The following TRAM2 variants were observed in gnomAD, a reference collection of about 807,000 sequenced individuals.
The protein encoded by TRAM2 is translocating chain-associated membrane protein 2.
In TRAM2, 12 loss-of-function variants were observed where a neutral mutation model predicts 51.0. That is an observed-to-expected ratio of 0.24 (90% CI 0.15 to 0.38). TRAM2 has a LOEUF of 0.38. TRAM2 is among the 10% of genes least tolerant of loss of function. The probability of loss-of-function intolerance (pLI) is 1.00; values close to 1 mark genes in which losing one functional copy is unlikely to be tolerated. For synonymous variants in TRAM2, 175 were observed against 179.4 expected, an observed-to-expected ratio of 0.98 and a Z score of 0.20; for missense variants, 361 against 462.0, an observed-to-expected ratio of 0.78 and a Z score of 2.00.
intron 1 of TRAM2, among the ~76,000 whole-genome samples, chr6:52,537,856 T>C (rs1767003166): frequency 6.6e-6 from 1 of 152,194 alleles, no homozygotes; most frequent in Non-Finnish European, 1.5e-5. Context: ...GCTGTACTTA[T>C]TCCCCCTCTG....
At position 52,505,110 on chromosome 6, in the gene TRAM2, A is replaced by G. The variant is rs180755550; in HGVS notation, c.876-356T>C. 5.2e-3 allele frequency among the ~76,000 whole-genome samples: 790 copies of G among 152,376 alleles called. 9 individuals are homozygous for G. The highest frequency in any genetic ancestry group is 0.018 in the African/African-American group (729 of 41,594). ...TGTAAGCTCCACAAATATTGGTAGC[A>G]TTCAAATGAACTGAATTTCTGGAAG... On this transcript the variant is annotated intron_variant, in intron 9 of 10. Coordinates refer to ENST00000182527, the MANE Select transcript of TRAM2 (RefSeq NM_012288.4).
Position 52,500,012 on chromosome 6 carries a change from AG to A in TRAM2, c.*3184del, listed in dbSNP as rs1430768033. 4 of 152,172 alleles carry A rather than the reference AG, an allele frequency of 2.6e-5. No homozygotes were observed. The highest frequency in any genetic ancestry group is 4.8e-5 in the African/African-American group (2 of 41,436). 9.4% of individuals were successfully genotyped at this position (152,172 alleles called of 1,614,324 possible). A position where few individuals can be genotyped will look rare whatever the true frequency, so the allele number is the denominator to read the frequency against. ...TCCCATCATCACTGCACCTCCAAGG[AG>A]GGGAGCGGGTAGCACAGATCCTTGG... On this transcript the variant is annotated 3_prime_UTR_variant, in exon 11 of 11. Transcript: ENST00000182527.
chr6:52,562,398 G>T (rs979483006), intron 1 of TRAM2, among the ~76,000 whole-genome samples: 2 of 152,168 alleles, frequency 1.3e-5, no homozygotes. Context: ...CATGTCCCGA[G>T]TAACTTGTAT....
At chr6:52,521,577 G>C (rs529162488) in intron 2 of TRAM2, among the ~76,000 whole-genome samples, 209 of 151,850 alleles carry the variant, frequency 1.4e-3, no homozygotes, top group African/African-American at 5.0e-3. Context: ...GGCACCTGTA[G>C]TCCCAGCTAC....
In TRAM2 at chr6:52,516,017, C is replaced by A; in HGVS notation, c.400G>T (p.Val134Leu). 1.2e-6 allele frequency: 2 copies of A among 1,614,158 alleles called. No homozygotes were observed. Among genetic ancestry groups the A allele is most frequent in the Non-Finnish European group, 1.7e-6 (2 of 1,180,012 alleles). Residue 134 changes from valine to leucine, a missense_variant, in exon 4 of 11, where the codon GTG (valine) becomes TTG (leucine). Transcript: ENST00000182527. ...TGAGAATGGCTCACCGTCACCACCA[C>A]GTAGAAGCACCAAATCACCGAGGTG... The part of the protein sequence containing the change: ...HFTSVIWCFY[V>L]VVTEGYLTNP...
chr6:52,515,744 T>C (rs947956050), intron 4 of TRAM2, among the ~76,000 whole-genome samples: 2 of 152,194 alleles, frequency 1.3e-5, no homozygotes, highest in African/African-American at 4.8e-5. Context: ...TACTGCAGTA[T>C]TGCATAATGA....
At chr6:52,567,567 C>T (rs1767608936) in intron 1 of TRAM2, among the ~76,000 whole-genome samples, 1 of 152,200 alleles carries the variant, frequency 6.6e-6, no homozygotes, top group Admixed American at 6.5e-5. Flanking sequence ...ATGTACTATG[C>T]AGCAGACCAA....
intron 1 of TRAM2, among the ~76,000 whole-genome samples, chr6:52,574,760 G>T (rs1313843657): frequency 6.6e-6 from 1 of 152,170 alleles, no homozygotes; most frequent in African/African-American, 2.4e-5. Context: ...TTTTAGAGTG[G>T]CAGGTTTAAT....
In TRAM2 at chr6:52,504,718, G is replaced by C. The variant is rs1168302174; in HGVS notation, c.912C>G (p.Ala304=). Residue 304 remains alanine, a synonymous_variant, in exon 10 of 11, where the codon GCC becomes GCG. Coordinates refer to ENST00000182527, the MANE Select transcript of TRAM2 (RefSeq NM_012288.4). ...AGTGGATGAAGCGCCACATGAGCCAGGCCTGGGCGGCACACACCAGCAGCA... is the reference window on the plus strand; with the variant it reads ...AGTGGATGAAGCGCCACATGAGCCACGCCTGGGCGGCACACACCAGCAGCA... The part of the protein sequence containing the change: ...CVLLLVCAAQ[A]WLMWRFIHSQ... The C allele has an allele frequency of 7.5e-6, 12 of 1,610,620 alleles. No individual in the cohort carries two copies. The highest frequency in any genetic ancestry group is 1.0e-5 in the Non-Finnish European group (12 of 1,179,144).
rs112727282 is a variant in TRAM2 at position 52,562,081 on chromosome 6, CA to C, written c.120+14714del. Among the ~76,000 whole-genome samples the C allele has an allele frequency of 8.7e-4, 126 of 144,538 alleles. No homozygotes were observed. The Middle Eastern group carries it at 0.025, about 28-fold the overall frequency. 94.8% of individuals were successfully genotyped at this position (144,538 alleles called of 152,430 possible). ...TGAATTCTATCTCAATTTAAAAATG[CA>C]AAAAAAAAAACTTTAAAAAGGGATT... On this transcript the variant is annotated intron_variant, in intron 1 of 10. Transcript: ENST00000182527.
At chr6:52,575,325 G>A (rs938569848) in intron 1 of TRAM2, among the ~76,000 whole-genome samples, 2 of 152,172 alleles carry the variant, frequency 1.3e-5, no homozygotes, top group African/African-American at 4.8e-5. Flanking sequence ...ATGACTCTGT[G>A]TGACACCACA....
chr6:52,533,521 T>C (rs1173230933), intron 2 of TRAM2, among the ~76,000 whole-genome samples: 3 of 152,216 alleles, frequency 2.0e-5, no homozygotes, highest in African/African-American at 7.2e-5. Flanking sequence ...CTCCAGTCTC[T>C]TTAGTAGCAT....
intron 1 of TRAM2, among the ~76,000 whole-genome samples, chr6:52,538,532 G>A (rs1186700451): frequency 6.6e-6 from 1 of 152,166 alleles, no homozygotes; most frequent in Non-Finnish European, 1.5e-5. Context: ...TCCTTCAGTT[G>A]GCCAGGGTCC....
At chr6:52,536,136 G>C (rs1040599332) in intron 1 of TRAM2, among the ~76,000 whole-genome samples, 8 of 152,180 alleles carry the variant, frequency 5.3e-5, no homozygotes, top group African/African-American at 1.9e-4. Flanking sequence ...GTACAAATTT[G>C]TCAGCCATTC....
At chr6:52,570,598 C>T (rs1363862175) in intron 1 of TRAM2, among the ~76,000 whole-genome samples, 1 of 152,152 alleles carries the variant, frequency 6.6e-6, no homozygotes, top group Non-Finnish European at 1.5e-5. Flanking sequence ...CCCCCATAAA[C>T]CATCCCGATT....
chr6:52,530,846 G>C (rs542004325), intron 2 of TRAM2, among the ~76,000 whole-genome samples: 1 of 152,246 alleles, frequency 6.6e-6, no homozygotes, highest in South Asian at 2.1e-4. Context: ...AACTAATACT[G>C]GGAGCTGGGA....
chr6:52,506,178 C>T, intron 7 of TRAM2, 42 bp from the exon 8 acceptor site: 3 of 1,574,924 alleles, frequency 1.9e-6, no homozygotes, highest in Non-Finnish European at 2.6e-6. Flanking sequence ...CTCCAAGATG[C>T]TGCGTGGAGC....
At chr6:52,558,700 T>C (rs1470821571) in intron 1 of TRAM2, among the ~76,000 whole-genome samples, 1 of 151,578 alleles carries the variant, frequency 6.6e-6, no homozygotes, top group Non-Finnish European at 1.5e-5. Flanking sequence ...TATGGGAGGG[T>C]TAATTAGGTG....
chr6:52,515,969 G>A (rs1392996138), intron 4 of TRAM2, 37 bp downstream of exon 4: 2 of 1,588,428 alleles, frequency 1.3e-6, no homozygotes, highest in Non-Finnish European at 1.7e-6. Flanking sequence ...CCCTTGGTTT[G>A]AGCTCTCCCG....
Sources: gnomAD v4.1 joint callset for allele counts (sites outside exome capture counted in the v4.1 genomes callset) on GRCh38, gnomAD v4.1.1 for gene constraint, MANE v1.5 for transcripts, NCBI Gene and HGNC (gene_info 2026-07-23, HGNC 2026-07-21) for gene names.